The following JARID2 variants were observed in gnomAD, a reference collection of about 807,000 sequenced individuals.
JARID2 encodes the protein protein Jumonji.
In JARID2, 21 loss-of-function variants were observed where a neutral mutation model predicts 125.6. That is an observed-to-expected ratio of 0.17 (90% confidence interval 0.12 to 0.24). The LOEUF is 0.24. JARID2 is among the 10% of genes least tolerant of loss of function. The pLI is 1.00. For missense variants in JARID2, 1,303 were observed against 1,639.6 expected (o/e 0.79, Z 3.55); for synonymous variants, 736 against 661.6 (o/e 1.11, Z -1.73).
At chr6:15,450,640 G>T (rs78479263) in intron 3 of JARID2, among the ~76,000 whole-genome samples, 2 of 152,058 alleles carry the variant, frequency 1.3e-5, no homozygotes, top group Non-Finnish European at 2.9e-5. Context: ...ATACCTCTCT[G>T]AGCAGGTCTA....
At chr6:15,349,633 GA>G (rs1763358853) in intron 1 of JARID2, among the ~76,000 whole-genome samples, 1 of 151,982 alleles carries the variant, frequency 6.6e-6, no homozygotes, top group African/African-American at 2.4e-5. Context: ...GAATGCTGAA[GA>G]AAAAAGGAAG....
Position 15,418,604 on chromosome 6 carries a change from G to A in JARID2, c.323+8239G>A, listed in dbSNP as rs1019656552. Among the ~76,000 whole-genome samples, 5 of 152,186 alleles carry A rather than the reference G, an allele frequency of 3.3e-5. No homozygotes were observed. In the South Asian group the frequency reaches 1.0e-3, roughly 31 times the overall value. Reference sequence around the variant, plus strand: ...TAAGAGTTTCTATTTAACTAGTACAGAAGTACCGACTCTGTCTCTAAAGGG... The same window carrying A: ...TAAGAGTTTCTATTTAACTAGTACAAAAGTACCGACTCTGTCTCTAAAGGG... On this transcript the variant is annotated intron_variant, in intron 3 of 17. Transcript: ENST00000341776.
chr6:15,496,893 G>T lies in JARID2; in HGVS notation c.1668G>T (p.Glu556Asp). 2 of 1,601,864 alleles carry T rather than the reference G, an allele frequency of 1.2e-6. No individual in the cohort carries two copies. The change falls in exon 7 of 18, where the codon GAG becomes GAT. Residue 556 changes from glutamate to aspartate, a missense_variant. Glu to Asp is a conservative substitution (Grantham distance 45). Transcript: ENST00000341776. ...GGKAGWAAMD[E>D]IPVLRPSAKE... ...AGGCCGGGTGGGCGGCCATGGACGA[G>T]ATCCCCGTCCTCAGGCCCTCCGCCA...
rs188067843 is a variant in JARID2 at position 15,480,934 on chromosome 6, G to A, written c.671-6373G>A. 1.9e-3 allele frequency among the ~76,000 whole-genome samples: 293 copies of A among 152,322 alleles called. 3 individuals carry two copies. Among genetic ancestry groups the A allele is most frequent in the Middle Eastern group, 0.01 (3 of 294 alleles). Reference sequence around the variant, plus strand: ...AACTTGTGTCAGCATCTAAATATGCGAACAAAGCTTTTGGGGAACATTGTT... The same window carrying A: ...AACTTGTGTCAGCATCTAAATATGCAAACAAAGCTTTTGGGGAACATTGTT... On this transcript the variant is annotated intron_variant, in intron 5 of 17. Coordinates refer to ENST00000341776, the MANE Select transcript of JARID2 (RefSeq NM_004973.4).
intron 1 of JARID2, among the ~76,000 whole-genome samples, chr6:15,337,345 A>C (rs1030044803): frequency 6.6e-6 from 1 of 152,344 alleles, no homozygotes; most frequent in East Asian, 1.9e-4. Flanking sequence ...ATGTTCCTAG[A>C]GGTGCCATGT....
At chr6:15,420,098 T>C (rs980707908) in intron 3 of JARID2, among the ~76,000 whole-genome samples, 1 of 152,228 alleles carries the variant, frequency 6.6e-6, no homozygotes, top group African/African-American at 2.4e-5. Context: ...ATATATCTTT[T>C]ATCTCAGACA....
At chr6:15,380,032 TCGGG>T (rs1764517786) in intron 2 of JARID2, among the ~76,000 whole-genome samples, 1 of 143,728 alleles carries the variant, frequency 7.0e-6, no homozygotes, top group Non-Finnish European at 1.5e-5. Context: ...TTTTTTTTGG[TCGGG>T]GGCCGGGGGT....
intron 3 of JARID2, among the ~76,000 whole-genome samples, chr6:15,442,216 G>A (rs970491654): frequency 6.6e-6 from 1 of 152,034 alleles, no homozygotes; most frequent in Admixed American, 6.6e-5. Flanking sequence ...TTGCAGTTGG[G>A]TGTTGAGTAA....
intron 2 of JARID2, among the ~76,000 whole-genome samples, chr6:15,408,322 T>G (rs1765734078): frequency 6.6e-6 from 1 of 152,214 alleles, no homozygotes; most frequent in African/African-American, 2.4e-5. Context: ...CTTTTTTTCC[T>G]TTTCAGTTTT....
intron 16 of JARID2, 53 bp downstream of exon 16, chr6:15,513,475 G>A: frequency 6.6e-7 from 1 of 1,512,416 alleles, no homozygotes; most frequent in Non-Finnish European, 8.9e-7. Flanking sequence ...TGGCCTGAGA[G>A]CTCCGGGGTT....
intron 2 of JARID2, among the ~76,000 whole-genome samples, chr6:15,376,148 T>G (rs1410591597): frequency 6.6e-6 from 1 of 152,348 alleles, no homozygotes; most frequent in East Asian, 1.9e-4. Flanking sequence ...TCTTTTTATT[T>G]ATTCTGGCAC....
chr6:15,285,576 T>C (rs1490575859), intron 1 of JARID2, among the ~76,000 whole-genome samples: 1 of 152,140 alleles, frequency 6.6e-6, no homozygotes, highest in African/African-American at 2.4e-5. Context: ...TATATATATA[T>C]ATAACATGAG....
chr6:15,379,727 C>A (rs539050708), intron 2 of JARID2, among the ~76,000 whole-genome samples: 38 of 152,264 alleles, frequency 2.5e-4, no homozygotes, highest in African/African-American at 8.4e-4. Flanking sequence ...GTATTTAACT[C>A]ATTTAATCTT....
At chr6:15,513,566 G>A (rs1379565112) in intron 16 of JARID2, 144 bp downstream of exon 16, 7 of 804,796 alleles carry the variant, frequency 8.7e-6, no homozygotes, top group African/African-American at 1.7e-5. Flanking sequence ...GGACCTCGGC[G>A]GAGCTTCTGG....
At chr6:15,341,997 C>T (rs1257797681) in intron 1 of JARID2, among the ~76,000 whole-genome samples, 1 of 150,506 alleles carries the variant, frequency 6.6e-6, no homozygotes, top group Admixed American at 6.6e-5. Context: ...GGGCTTTCTG[C>T]TAAAATAAAA....
At chr6:15,251,957 A>G (rs951827367) in intron 1 of JARID2, among the ~76,000 whole-genome samples, 1 of 152,200 alleles carries the variant, frequency 6.6e-6, no homozygotes, top group South Asian at 2.1e-4. Context: ...GGTTGCAGTG[A>G]GCCGCTTGAA....
intron 8 of JARID2, 39 bp downstream of exon 8, chr6:15,501,448 A>G: frequency 6.6e-7 from 1 of 1,508,394 alleles, no homozygotes; most frequent in Non-Finnish European, 8.8e-7. Flanking sequence ...CAGCTGCAGG[A>G]GTGCGGGAGG....
At chr6:15,412,982 T>C (rs1162922983) in intron 3 of JARID2, among the ~76,000 whole-genome samples, 1 of 148,018 alleles carries the variant, frequency 6.8e-6, no homozygotes, top group East Asian at 2.0e-4. Flanking sequence ...TCTGAAACAT[T>C]ATACATGGGA....
At chr6:15,459,190 G>A (rs1297782611) in intron 4 of JARID2, among the ~76,000 whole-genome samples, 2 of 152,138 alleles carry the variant, frequency 1.3e-5, no homozygotes, top group Non-Finnish European at 1.5e-5. Context: ...GATACCTGAG[G>A]CGATCATCCA....
Sources: allele counts gnomAD v4.1 joint callset (sites outside exome capture counted in the v4.1 genomes callset), GRCh38; gene constraint gnomAD v4.1.1; transcripts MANE v1.5; gene names NCBI Gene and HGNC (gene_info 2026-07-23, HGNC 2026-07-21).